ZHX2: variants seen among roughly 807,000 people sequenced by gnomAD.
The protein encoded by ZHX2 is zinc fingers and homeoboxes protein 2.
Under a neutral mutation model 21.9 loss-of-function variants are expected in ZHX2, and 6 were observed. The ratio of observed to expected loss-of-function variants is 0.27; its 90% CI spans 0.15 to 0.54. The LOEUF (loss-of-function observed/expected upper bound fraction) is 0.54, where lower values mean the gene tolerates loss of function less well. Ranked by LOEUF, ZHX2 falls within the 20% of genes least tolerant of loss-of-function variation. The pLI, the probability that ZHX2 is intolerant of heterozygous loss-of-function variation, is 0.95. For missense variants in ZHX2, 908 were observed against 1,090.7 expected (o/e 0.83, Z 2.36); for synonymous variants, 434 against 437.1 (o/e 0.99, Z 0.09).
intron 1 of ZHX2, among the ~76,000 whole-genome samples, chr8:122,822,981 A>G (rs1468544638): frequency 6.6e-6 from 1 of 152,216 alleles, no homozygotes; most frequent in Non-Finnish European, 1.5e-5. Flanking sequence ...CCTCCTCTAG[A>G]CAGGAAAGGA....
At position 122,942,855 on chromosome 8, in the gene ZHX2, A is replaced by G. The variant is rs79183739; in HGVS notation, c.-219-8437A>G. 7.1e-4 allele frequency among the ~76,000 whole-genome samples: 108 copies of G among 152,316 alleles called. 1 individual carries two copies. The East Asian group carries it at 0.02, about 28-fold the overall frequency. On this transcript the variant is annotated intron_variant, in intron 2 of 3. Transcript: ENST00000314393. ...GTCTCTGGAACTGACGGTGGTAAGG[A>G]AAAAGAACAAAGGATGCAGAGGAGA...
chr8:122,965,134 T>C (rs1402902316), intron 3 of ZHX2, among the ~76,000 whole-genome samples: 1 of 152,040 alleles, frequency 6.6e-6, no homozygotes, highest in Non-Finnish European at 1.5e-5. Context: ...GTTGTTTTTT[T>C]CTTTTAATTT....
intron 1 of ZHX2, among the ~76,000 whole-genome samples, chr8:122,840,729 C>T (rs1480014325): frequency 6.6e-6 from 1 of 152,186 alleles, no homozygotes; most frequent in Admixed American, 6.5e-5. Context: ...TCAGCTTAAA[C>T]TTATTTTGCT....
intron 2 of ZHX2, among the ~76,000 whole-genome samples, chr8:122,941,005 G>T (rs1812830315): frequency 6.6e-6 from 1 of 151,726 alleles, no homozygotes; most frequent in South Asian, 2.1e-4. Flanking sequence ...TGAGGCAGGG[G>T]GATCACTTGA....
At chr8:122,792,553 TC>T (rs1403345732) in intron 1 of ZHX2, among the ~76,000 whole-genome samples, 2 of 152,194 alleles carry the variant, frequency 1.3e-5, no homozygotes, top group Non-Finnish European at 2.9e-5. Context: ...GCCAAACAGT[TC>T]CCCAAAGTGG....
intron 2 of ZHX2, among the ~76,000 whole-genome samples, chr8:122,912,933 T>C (rs903784262): frequency 2.6e-5 from 4 of 152,072 alleles, no homozygotes; most frequent in Admixed American, 6.5e-5. Context: ...CGTTCAGTGG[T>C]TTTTAATATA....
chr8:122,945,795 A>C (rs941859204), intron 2 of ZHX2, among the ~76,000 whole-genome samples: 1 of 152,200 alleles, frequency 6.6e-6, no homozygotes, highest in Non-Finnish European at 1.5e-5. Context: ...CAACCTCCTG[A>C]GGGCAGGGAT....
rs1586352089 is a variant in ZHX2, at chr8:122,876,990, T to C, written c.-220+13451T>C. Among the ~76,000 whole-genome samples, 3 of 152,274 alleles carry C rather than the reference T, an allele frequency of 2.0e-5. No homozygotes were observed. The South Asian group carries it at 6.2e-4, about 32-fold the overall frequency. ...TCTATGGTAACCTCCATCAGTATGT[T>C]GGTGGGTTTATGTGCCAGGCACTGT... is the stretch of plus-strand genomic sequence containing the variant. On this transcript the variant is annotated intron_variant, in intron 2 of 3. Coordinates refer to ENST00000314393, the MANE Select transcript of ZHX2 (RefSeq NM_014943.5).
rs1387669179 is a variant in ZHX2 at position 122,913,509 on chromosome 8, A to G, written c.-219-37783A>G. Among the ~76,000 whole-genome samples the G allele has an allele frequency of 2.0e-5, 3 of 152,236 alleles. No individual in the cohort carries two copies. The South Asian group carries it at 6.2e-4, about 31-fold the overall frequency. On this transcript the variant is annotated intron_variant, in intron 2 of 3. Coordinates refer to ENST00000314393, the MANE Select transcript of ZHX2 (RefSeq NM_014943.5). ...AGGAAAGAAGCCATGATCACATGCC[A>G]TGGCCTTAGTCGAGCCTGGTAAACT... is the stretch of plus-strand genomic sequence containing the variant.
intron 2 of ZHX2, among the ~76,000 whole-genome samples, chr8:122,938,215 G>A (rs1477721222): frequency 6.6e-6 from 1 of 151,882 alleles, no homozygotes; most frequent in African/African-American, 2.4e-5. Flanking sequence ...TTACAGGCAT[G>A]AGCCACCATG....
intron 3 of ZHX2, among the ~76,000 whole-genome samples, chr8:122,969,998 G>A (rs544640317): frequency 4.1e-4 from 62 of 152,348 alleles, no homozygotes; most frequent in African/African-American, 1.4e-3. Flanking sequence ...CAGAAAGGGA[G>A]GGTGGGAGGC....
intron 1 of ZHX2, among the ~76,000 whole-genome samples, chr8:122,799,120 T>A (rs908433994): frequency 2.6e-5 from 4 of 152,164 alleles, no homozygotes; most frequent in African/African-American, 9.7e-5. Flanking sequence ...TCCTTTACAC[T>A]TACATGAAGG....
chr8:122,883,824 A>T (rs1819772040), intron 2 of ZHX2, among the ~76,000 whole-genome samples: 1 of 152,238 alleles, frequency 6.6e-6, no homozygotes, highest in Non-Finnish European at 1.5e-5. Context: ...TGAAAGTTGT[A>T]ACACCAGGTG....
intron 3 of ZHX2, among the ~76,000 whole-genome samples, chr8:122,970,770 C>T (rs560642992): frequency 1.1e-4 from 16 of 152,316 alleles, no homozygotes; most frequent in African/African-American, 3.1e-4. Context: ...TGGAAAGCAC[C>T]GGCAGAGGCT....
intron 3 of ZHX2, among the ~76,000 whole-genome samples, chr8:122,961,000 A>G (rs185166600): frequency 6.6e-6 from 1 of 152,380 alleles, no homozygotes; most frequent in African/African-American, 2.4e-5. Flanking sequence ...TATACATTTT[A>G]CTTTATTCTT....
intron 1 of ZHX2, among the ~76,000 whole-genome samples, chr8:122,795,140 C>T (rs560610792): frequency 1.3e-5 from 2 of 152,360 alleles, no homozygotes; most frequent in Non-Finnish European, 2.9e-5. Flanking sequence ...GGAAGTGGCT[C>T]TGTCACTACA....
chr8:122,957,356 C>T (rs957684622), intron 3 of ZHX2, among the ~76,000 whole-genome samples: 1 of 151,838 alleles, frequency 6.6e-6, no homozygotes, highest in African/African-American at 2.4e-5. Flanking sequence ...GGTAAATGCC[C>T]CACCTGTGAG....
At chr8:122,830,086 G>T (rs139402104) in intron 1 of ZHX2, among the ~76,000 whole-genome samples, 1 of 152,218 alleles carries the variant, frequency 6.6e-6, no homozygotes, top group South Asian at 2.1e-4. Context: ...AACCCTGAGC[G>T]TGTGCCGACA....
chr8:122,819,378 G>A (rs1187187131), intron 1 of ZHX2, among the ~76,000 whole-genome samples: 1 of 152,198 alleles, frequency 6.6e-6, no homozygotes, highest in Non-Finnish European at 1.5e-5. Context: ...CAGCAGTCCA[G>A]ACCGTTATTC....
Sources: gnomAD v4.1 joint callset for allele counts (sites outside exome capture counted in the v4.1 genomes callset) on GRCh38, gnomAD v4.1.1 for gene constraint, MANE v1.5 for transcripts, NCBI Gene and HGNC (gene_info 2026-07-23, HGNC 2026-07-21) for gene names.